The following PPP2R1B variants were observed in gnomAD, a reference collection of about 807,000 sequenced individuals.
PPP2R1B encodes protein phosphatase 2 scaffold subunit Abeta.
PPP2R1B carries 58 observed loss-of-function variants against 72.7 expected under a neutral mutation model. The observed-to-expected ratio is 0.80, with a 90% confidence interval of 0.65 to 0.99. The LOEUF (loss-of-function observed/expected upper bound fraction) is 0.99. Among genes scored for constraint, PPP2R1B ranks in the 50% least tolerant of loss-of-function variants. PPP2R1B has a pLI of 0.00. For missense variants in PPP2R1B, 695 were observed against 733.6 expected (o/e 0.95, Z 0.61); for synonymous variants, 256 against 264.6 (o/e 0.97, Z 0.32).
intron 15 of PPP2R1B, among the ~76,000 whole-genome samples, chr11:111,731,644 G>A (rs1248358510): frequency 2.6e-5 from 4 of 152,228 alleles, no homozygotes; most frequent in East Asian, 3.8e-4. Flanking sequence ...GGGGTGAGCC[G>A]CTGGTCTCTG....
In PPP2R1B at chr11:111,737,924, G is replaced by A; in HGVS notation, c.*3672C>T. ...AGAGAACAACTCTGGAGACAGAAATGGCTTGGCTTTCCGACGCAATGAGTA... is the reference window on the plus strand; with the variant it reads ...AGAGAACAACTCTGGAGACAGAAATAGCTTGGCTTTCCGACGCAATGAGTA... On this transcript the variant is annotated 3_prime_UTR_variant, in exon 15 of 15. Coordinates refer to ENST00000527614, the MANE Select transcript of PPP2R1B (RefSeq NM_002716.5). The A allele has an allele frequency of 9.5e-7, 1 of 1,048,016 alleles. No individual in the cohort carries two copies. Among genetic ancestry groups the A allele is most frequent in the Non-Finnish European group, 1.2e-6 (1 of 867,874 alleles). The allele number at this position is 1,048,016 out of a possible 1,614,324, so 64.9% of individuals were successfully genotyped here. A position where few individuals can be genotyped will look rare whatever the true frequency, so the allele number is the denominator to read the frequency against.
intron 3 of PPP2R1B, chr11:111,761,345 T>C (rs1182552468): frequency 2.1e-6 from 1 of 477,072 alleles, no homozygotes; most frequent in Non-Finnish European, 4.0e-6. Context: ...TACTGTGAGT[T>C]GAATCACTAG....
downstream of PPP2R1B, chr11:111,723,917 C>T (rs769369116): frequency 1.9e-6 from 3 of 1,613,868 alleles, no homozygotes; most frequent in East Asian, 2.2e-5. Context: ...CGCTGCTTCC[C>T]CTGCGCCAGA....
chr11:111,707,866 G>A, the PPP2R1B span, among the ~76,000 whole-genome samples: 15 of 152,222 alleles, frequency 9.9e-5, no homozygotes, highest in African/African-American at 3.4e-4. Context: ...GAGTGACTTC[G>A]GGCAAGTCAG....
intron 3 of PPP2R1B, 87 bp from the exon 4 acceptor site, chr11:111,761,138 G>A: frequency 8.9e-7 from 1 of 1,126,556 alleles, no homozygotes; most frequent in East Asian, 2.5e-5. Flanking sequence ...TGACTGAAGG[G>A]AGGTGGTACA....
downstream of PPP2R1B, chr11:111,737,774 G>A (rs575647414): frequency 5.4e-5 from 72 of 1,323,410 alleles, no homozygotes; most frequent in African/African-American, 9.8e-4. Flanking sequence ...CGGGGCCCTG[G>A]AAAGCGCCAC....
At chr11:111,741,844 T>C (rs937806217) in intron 14 of PPP2R1B, among the ~76,000 whole-genome samples, 1 of 152,166 alleles carries the variant, frequency 6.6e-6, no homozygotes, top group Non-Finnish European at 1.5e-5. Flanking sequence ...CAGTCCTACA[T>C]GTAACTAAGA....
downstream of PPP2R1B, chr11:111,723,584 C>A: frequency 1.2e-6 from 2 of 1,614,228 alleles, no homozygotes; most frequent in South Asian, 2.2e-5. Context: ...CTCCTACCCA[C>A]AGCCAAGTCA....
chr11:111,714,065 G>A, the PPP2R1B span, among the ~76,000 whole-genome samples: 23 of 152,212 alleles, frequency 1.5e-4, no homozygotes, highest in African/African-American at 2.4e-5. Context: ...GGAAAGTCCG[G>A]TTTAACTGTC....
chr11:111,692,388 A>AAAAAAAAAC, the PPP2R1B span, among the ~76,000 whole-genome samples: 7 of 110,916 alleles, frequency 6.3e-5, no homozygotes, highest in Non-Finnish European at 5.9e-5. Flanking sequence ...AAAAAAAAAA[A>AAAAAAAAAC]CACAAAAAGG....
intron 15 of PPP2R1B, chr11:111,730,991 T>G (rs1944172950): frequency 6.6e-6 from 1 of 152,198 alleles, no homozygotes; most frequent in Non-Finnish European, 1.5e-5. Context: ...AAAAGGACAG[T>G]GGATAATATG....
At chr11:111,697,520 A>T in the PPP2R1B span, among the ~76,000 whole-genome samples, 2 of 152,240 alleles carry the variant, frequency 1.3e-5, no homozygotes, top group Non-Finnish European at 2.9e-5. Flanking sequence ...ATCTATTTCT[A>T]TTAATTCAAC....
Position 111,738,381 on chromosome 11 carries a change from CAG to C in PPP2R1B, c.*3213_*3214del. On this transcript the variant is annotated 3_prime_UTR_variant, in exon 15 of 15. Coordinates refer to ENST00000527614, the MANE Select transcript of PPP2R1B (RefSeq NM_002716.5). ...CCCTGCCCTGCCATCGCCACAGGGACAGAGCCAATGTGACGTCTAAGGGCAAG... is the reference window on the plus strand; with the variant it reads ...CCCTGCCCTGCCATCGCCACAGGGACAGCCAATGTGACGTCTAAGGGCAAG... 1.0e-6 allele frequency: 1 copy of C among 985,552 alleles called. No homozygotes were observed. The highest frequency in any genetic ancestry group is 1.2e-6 in the Non-Finnish European group (1 of 829,988). The allele number at this position is 985,552 out of a possible 1,614,324, so 61.1% of individuals were successfully genotyped here.
chr11:111,732,550 G>A (rs1391848657), intron 15 of PPP2R1B, among the ~76,000 whole-genome samples: 2 of 152,194 alleles, frequency 1.3e-5, no homozygotes, highest in East Asian at 1.9e-4. Flanking sequence ...AATTAGCCAG[G>A]TGTGGTGGCG....
chr11:111,720,481 A>G, the PPP2R1B span: 1 of 1,597,516 alleles, frequency 6.3e-7, no homozygotes, highest in Non-Finnish European at 8.5e-7. Flanking sequence ...CTTAAAGGGA[A>G]AATTTTCTCC....
intron 15 of PPP2R1B, chr11:111,727,231 GTGGGAGAGCA>G: frequency 1.6e-6 from 1 of 626,728 alleles, no homozygotes; most frequent in Non-Finnish European, 2.8e-6. Context: ...GAATCCCTGC[GTGGGAGAGCA>G]TCAGGGCCCA....
chr11:111,762,553 CTT>C (rs11431567), intron 3 of PPP2R1B, among the ~76,000 whole-genome samples: 23 of 136,102 alleles, frequency 1.7e-4, no homozygotes, highest in South Asian at 1.4e-3. Context: ...TCCAGCAGTT[CTT>C]TTTTTTTTTT....
the PPP2R1B span, among the ~76,000 whole-genome samples, chr11:111,710,360 C>T: frequency 2.0e-5 from 3 of 152,160 alleles, no homozygotes; most frequent in Non-Finnish European, 4.4e-5. Context: ...TGTTTTGGGG[C>T]ATCCATACCA....
downstream of PPP2R1B, among the ~76,000 whole-genome samples, chr11:111,733,499 G>A (rs57123460): frequency 0.01 from 1,560 of 152,246 alleles, 44 homozygotes; most frequent in African/African-American, 0.036. Context: ...TCCTCAGGTC[G>A]GCTGGGACAG....
Sources: allele counts gnomAD v4.1 joint callset (sites outside exome capture counted in the v4.1 genomes callset), GRCh38; gene constraint gnomAD v4.1.1; transcripts MANE v1.5; gene names NCBI Gene and HGNC (gene_info 2026-07-23, HGNC 2026-07-21).